The following CNTN4 variants were observed in gnomAD, a reference collection of about 807,000 sequenced individuals.
CNTN4 encodes the protein contactin-4.
Under a neutral mutation model 122.5 loss-of-function variants are expected in CNTN4, and 77 were observed. The ratio of observed to expected loss-of-function variants is 0.63; its 90% CI spans 0.52 to 0.76. The LOEUF (loss-of-function observed/expected upper bound fraction) is 0.76, where lower values mean the gene tolerates loss of function less well. Among genes scored for constraint, CNTN4 ranks in the 30% least tolerant of loss-of-function variants. The pLI, the probability that CNTN4 is intolerant of heterozygous loss-of-function variation, is 0.00. For synonymous variants in CNTN4, 512 were observed against 447.0 expected (o/e 1.15, Z -1.83); for missense variants, 1,256 against 1,259.1 (o/e 1.00, Z 0.04).
intron 3 of CNTN4, among the ~76,000 whole-genome samples, chr3:2,547,859 C>A (rs1241070384): frequency 6.6e-6 from 1 of 152,006 alleles, no homozygotes; most frequent in Non-Finnish European, 1.5e-5. Context: ...CCACAGATCC[C>A]CAGGAAATTA....
intron 6 of CNTN4, among the ~76,000 whole-genome samples, chr3:2,771,855 A>G (rs905858444): frequency 1.3e-5 from 2 of 152,214 alleles, no homozygotes; most frequent in African/African-American, 4.8e-5. Context: ...GGTACACAGT[A>G]GGCTCCCCAA....
chr3:3,017,878 A>G (rs760414603), intron 14 of CNTN4, among the ~76,000 whole-genome samples: 88 of 152,344 alleles, frequency 5.8e-4, no homozygotes, highest in Non-Finnish European at 9.3e-4. Flanking sequence ...AAAAGTAGCA[A>G]TAACGGAACC....
At chr3:2,758,954 C>A (rs2090463137) in intron 6 of CNTN4, among the ~76,000 whole-genome samples, 1 of 152,016 alleles carries the variant, frequency 6.6e-6, no homozygotes, top group Non-Finnish European at 1.5e-5. Context: ...CATTTTCATC[C>A]CCCTAAAGAT....
At chr3:2,242,809 C>T (rs984589385) in intron 2 of CNTN4, among the ~76,000 whole-genome samples, 2 of 152,100 alleles carry the variant, frequency 1.3e-5, no homozygotes, top group African/African-American at 2.4e-5. Flanking sequence ...TATTCAGATC[C>T]TCATGATCTC....
At chr3:2,253,989 A>G (rs576382933) in intron 2 of CNTN4, among the ~76,000 whole-genome samples, 20 of 152,246 alleles carry the variant, frequency 1.3e-4, no homozygotes, top group African/African-American at 4.8e-4. Context: ...TGCTGCAGCC[A>G]TCAACCCATA....
chr3:2,969,515 G>GGATTATTATTATTATTATTAT (rs1553710700), intron 13 of CNTN4, among the ~76,000 whole-genome samples: 6 of 143,614 alleles, frequency 4.2e-5, no homozygotes, highest in African/African-American at 1.3e-4. Flanking sequence ...AGGAAAATTG[G>GGATTATTATTATTATTATTAT]GATTATTATT....
intron 4 of CNTN4, among the ~76,000 whole-genome samples, chr3:2,580,755 T>C (rs1229851445): frequency 6.6e-6 from 1 of 152,150 alleles, no homozygotes; most frequent in Non-Finnish European, 1.5e-5. Flanking sequence ...GAGTAAAAAG[T>C]TATTGGGCAT....
chr3:2,275,960 A>T (rs1363627940), intron 2 of CNTN4, among the ~76,000 whole-genome samples: 2 of 150,118 alleles, frequency 1.3e-5, no homozygotes, highest in Non-Finnish European at 3.0e-5. Context: ...TTAAATCTTG[A>T]TTTGAAAGAT....
intron 4 of CNTN4, among the ~76,000 whole-genome samples, chr3:2,602,492 G>A (rs950156236): frequency 1.3e-5 from 2 of 152,126 alleles, no homozygotes; most frequent in Non-Finnish European, 2.9e-5. Context: ...ATTCACAATT[G>A]CTTCAAAGAG....
At chr3:2,347,561 C>G (rs1008876812) in intron 3 of CNTN4, among the ~76,000 whole-genome samples, 2 of 152,020 alleles carry the variant, frequency 1.3e-5, no homozygotes, top group Non-Finnish European at 2.9e-5. Flanking sequence ...AGGTGCCCAT[C>G]ATCACACCCA....
chr3:2,836,457 A>C (rs181263200), intron 7 of CNTN4, among the ~76,000 whole-genome samples: 60 of 152,278 alleles, frequency 3.9e-4, no homozygotes, highest in Non-Finnish European at 6.2e-4. Context: ...TAATACATGT[A>C]GGCACTATTT....
chr3:2,622,519 C>A (rs1384342869), intron 4 of CNTN4, among the ~76,000 whole-genome samples: 1 of 151,990 alleles, frequency 6.6e-6, no homozygotes, highest in Non-Finnish European at 1.5e-5. Flanking sequence ...TGACCTCAGC[C>A]CACCTCGGCC....
At chr3:2,949,170 A>G (rs2094710237) in intron 13 of CNTN4, among the ~76,000 whole-genome samples, 3 of 151,928 alleles carry the variant, frequency 2.0e-5, no homozygotes, top group South Asian at 2.1e-4. Flanking sequence ...TAACTGAAAC[A>G]CTTTCTTCCC....
chr3:2,921,211 A>AT (rs1203099587), intron 12 of CNTN4, among the ~76,000 whole-genome samples: 1 of 152,088 alleles, frequency 6.6e-6, no homozygotes, highest in African/African-American at 2.4e-5. Context: ...CTAATGTTTT[A>AT]TTTTTTATAG....
intron 3 of CNTN4, among the ~76,000 whole-genome samples, chr3:2,403,945 GA>G (rs1446264526): frequency 6.6e-6 from 1 of 152,098 alleles, no homozygotes; most frequent in Non-Finnish European, 1.5e-5. Flanking sequence ...GAAACCCATG[GA>G]ACTACATAGT....
At chr3:2,328,855 G>A (rs2043588706) in intron 2 of CNTN4, among the ~76,000 whole-genome samples, 1 of 152,060 alleles carries the variant, frequency 6.6e-6, no homozygotes, top group African/African-American at 2.4e-5. Context: ...AGGGGGTTCT[G>A]GAACCAATCC....
intron 4 of CNTN4, among the ~76,000 whole-genome samples, chr3:2,708,757 A>G (rs1044186349): frequency 5.9e-5 from 9 of 151,392 alleles, no homozygotes; most frequent in African/African-American, 2.0e-4. Flanking sequence ...ACACACACAC[A>G]CACACACACA....
intron 6 of CNTN4, among the ~76,000 whole-genome samples, chr3:2,747,060 T>C (rs1440727249): frequency 6.7e-6 from 1 of 150,024 alleles, no homozygotes; most frequent in Non-Finnish European, 1.5e-5. Context: ...TTGGATGTCA[T>C]AGTGTAGGAA....
chr3:2,781,706 C>G lies in CNTN4; in HGVS notation c.358+36009C>G, dbSNP rs923599199. ...CTCAAAGGTGGGGGGTGCTTCCAGG[C>G]TTTGGGTAAATTTTTTTTTTTTTTT... On this transcript the variant is annotated intron_variant, in intron 6 of 24. Transcript: ENST00000418658. Among the ~76,000 whole-genome samples, 296 of 143,730 alleles carry G rather than the reference C, an allele frequency of 2.1e-3. 1 individual carries two copies. The highest frequency in any genetic ancestry group is 3.6e-3 in the Non-Finnish European group (240 of 66,512). 94.3% of individuals were successfully genotyped at this position (143,730 alleles called of 152,430 possible).
Sources: gnomAD v4.1 joint callset for allele counts (sites outside exome capture counted in the v4.1 genomes callset) on GRCh38, gnomAD v4.1.1 for gene constraint, MANE v1.5 for transcripts, NCBI Gene and HGNC (gene_info 2026-07-23, HGNC 2026-07-21) for gene names.